PRELID2: variants seen among roughly 807,000 people sequenced by gnomAD.
PRELID2 encodes the protein PRELI domain-containing protein 2.
A neutral mutation model predicts 28.4 loss-of-function variants in PRELID2; 25 were observed. That is an observed-to-expected ratio of 0.88 (90% CI 0.64 to 1.23). The LOEUF (loss-of-function observed/expected upper bound fraction) is 1.23, where lower values mean the gene tolerates loss of function less well. PRELID2 is among the 50% of genes most tolerant of loss of function. The pLI is 0.00. For synonymous variants in PRELID2, 76 were observed against 71.6 expected, an observed-to-expected ratio of 1.06 and a Z score of -0.31; for missense variants, 201 against 214.4, an observed-to-expected ratio of 0.94 and a Z score of 0.39.
At position 145,508,299 on chromosome 5, in the gene PRELID2, A is replaced by AGATAGATAGATT. The variant is rs1561496168; in HGVS notation, n.71-34985_71-34984insAATCTATCTATC. ...AGATAGATAGATAGATAGATAGATT[A>AGATAGATAGATT]AAAAATGTAAAGATTATCTATTAAT... On this transcript the variant is annotated intron_variant and non_coding_transcript_variant, in intron 1 of 2. Transcript: ENST00000510259. Among the ~76,000 whole-genome samples, 3 of 104,584 alleles carry AGATAGATAGATT rather than the reference A, an allele frequency of 2.9e-5. No homozygotes were observed. The East Asian group carries it at 1.3e-3, about 44-fold the overall frequency. The allele number at this position is 104,584 out of a possible 152,430, so 68.6% of individuals were successfully genotyped here.
intron 1 of PRELID2, among the ~76,000 whole-genome samples, chr5:145,681,181 C>T (rs1445404238): frequency 1.3e-5 from 2 of 152,174 alleles, no homozygotes; most frequent in Non-Finnish European, 2.9e-5. Context: ...ATCGTAATGT[C>T]CACAGTAGGC....
At chr5:145,818,494 G>C (rs1301590018) in intron 3 of PRELID2, among the ~76,000 whole-genome samples, 1 of 152,134 alleles carries the variant, frequency 6.6e-6, no homozygotes, top group African/African-American at 2.4e-5. Flanking sequence ...TGAAGACATG[G>C]AAAACTACAA....
the PRELID2 span, among the ~76,000 whole-genome samples, chr5:145,249,797 A>G: frequency 2.6e-5 from 4 of 152,160 alleles, no homozygotes; most frequent in African/African-American, 9.6e-5. Context: ...GAAAAAAGAC[A>G]TAATTTTAAA....
intron 1 of PRELID2, among the ~76,000 whole-genome samples, chr5:145,514,244 C>T (rs544933573): frequency 6.7e-6 from 1 of 150,286 alleles, no homozygotes; most frequent in African/African-American, 2.4e-5. Context: ...ATTCGGGAGA[C>T]TCATTTCATG....
At chr5:145,336,560 G>A in the PRELID2 span, among the ~76,000 whole-genome samples, 1 of 151,926 alleles carries the variant, frequency 6.6e-6, no homozygotes, top group Non-Finnish European at 1.5e-5. Flanking sequence ...TTTTTCTCAG[G>A]TTTGTCAAAG....
At chr5:145,792,098 T>C (rs190640704) in intron 5 of PRELID2, among the ~76,000 whole-genome samples, 4 of 152,244 alleles carry the variant, frequency 2.6e-5, no homozygotes, top group African/African-American at 7.2e-5. Flanking sequence ...GTGTATCACA[T>C]CGCCTCACTC....
At chr5:145,354,254 A>G in the PRELID2 span, among the ~76,000 whole-genome samples, 1 of 151,952 alleles carries the variant, frequency 6.6e-6, no homozygotes, top group Admixed American at 6.6e-5. Flanking sequence ...CCTCTTAACC[A>G]AGATTCAGAT....
At chr5:145,774,969 A>G (rs1758323722) in intron 5 of PRELID2, among the ~76,000 whole-genome samples, 1 of 152,180 alleles carries the variant, frequency 6.6e-6, no homozygotes, top group Non-Finnish European at 1.5e-5. Flanking sequence ...GCCAGGCACA[A>G]TGGCTGACAC....
chr5:145,474,895 A>T (rs1752085819), intron 1 of PRELID2, among the ~76,000 whole-genome samples: 1 of 152,158 alleles, frequency 6.6e-6, no homozygotes, highest in Non-Finnish European at 1.5e-5. Flanking sequence ...GGTACACTGG[A>T]CTGAGATGGG....
chr5:145,272,864 G>A, the PRELID2 span, among the ~76,000 whole-genome samples: 4 of 152,014 alleles, frequency 2.6e-5, no homozygotes, highest in Non-Finnish European at 5.9e-5. Flanking sequence ...CTAAGAATCT[G>A]TGAAGACCTC....
intron 1 of PRELID2, among the ~76,000 whole-genome samples, chr5:145,541,687 G>C (rs1752746737): frequency 6.6e-6 from 1 of 152,060 alleles, no homozygotes; most frequent in South Asian, 2.1e-4. Context: ...AATTGGGGGA[G>C]AGAACCTGGG....
the PRELID2 span, among the ~76,000 whole-genome samples, chr5:145,288,091 A>T: frequency 1.3e-5 from 2 of 151,902 alleles, no homozygotes; most frequent in Non-Finnish European, 2.9e-5. Flanking sequence ...ATGAATGTTA[A>T]CCTTGATCTT....
intron 1 of PRELID2, among the ~76,000 whole-genome samples, chr5:145,664,235 A>G (rs1754545982): frequency 6.6e-6 from 1 of 152,162 alleles, no homozygotes. Flanking sequence ...AGATATTGAC[A>G]GGCTTTTGAA....
At chr5:145,730,424 A>G (rs930091889) in intron 1 of PRELID2, among the ~76,000 whole-genome samples, 1 of 152,214 alleles carries the variant, frequency 6.6e-6, no homozygotes, top group African/African-American at 2.4e-5. Context: ...AAAATGCCAA[A>G]CTAAGGTGAT....
At chr5:145,605,146 T>G (rs990635648) in intron 1 of PRELID2, among the ~76,000 whole-genome samples, 1 of 151,926 alleles carries the variant, frequency 6.6e-6, no homozygotes, top group African/African-American at 2.4e-5. Flanking sequence ...GTTGAGAGTT[T>G]CTTTTGCTGT....
At chr5:145,803,827 AACTTCTAGGTGGAACTCAAT>A (rs1212509910) in intron 4 of PRELID2, among the ~76,000 whole-genome samples, 1 of 151,716 alleles carries the variant, frequency 6.6e-6, no homozygotes, top group Non-Finnish European at 1.5e-5. Flanking sequence ...GTAATTCATT[AACTTCTAGGTGGAACTCAAT>A]CACCATAAAC....
At chr5:145,252,141 T>C in the PRELID2 span, among the ~76,000 whole-genome samples, 1 of 152,146 alleles carries the variant, frequency 6.6e-6, no homozygotes, top group Non-Finnish European at 1.5e-5. Context: ...TTGTTACATA[T>C]GCTGACTCTC....
chr5:145,285,100 G>A, the PRELID2 span, among the ~76,000 whole-genome samples: 1 of 151,990 alleles, frequency 6.6e-6, no homozygotes, highest in Admixed American at 6.6e-5. Flanking sequence ...TCAGAAACAG[G>A]ACTCAAACCC....
chr5:145,465,269 T>A, the PRELID2 span, among the ~76,000 whole-genome samples: 1 of 152,154 alleles, frequency 6.6e-6, no homozygotes, highest in Non-Finnish European at 1.5e-5. Flanking sequence ...CCATCAAAGA[T>A]TCTGATTTAG....
Sources: gnomAD v4.1 joint callset for allele counts (sites outside exome capture counted in the v4.1 genomes callset) on GRCh38, gnomAD v4.1.1 for gene constraint, MANE v1.5 for transcripts, NCBI Gene and HGNC (gene_info 2026-07-23, HGNC 2026-07-21) for gene names.